The following ITPR1 variants were observed in gnomAD, a reference collection of about 807,000 sequenced individuals.
ITPR1 encodes inositol 1,4,5-trisphosphate-gated calcium channel ITPR1.
A neutral mutation model predicts 318.4 loss-of-function variants in ITPR1; 96 were observed. That is an observed-to-expected ratio of 0.30 (90% CI 0.26 to 0.36). The LOEUF (loss-of-function observed/expected upper bound fraction) is 0.36. ITPR1 is among the 10% of genes least tolerant of loss of function. ITPR1 has a pLI of 1.00. For synonymous variants in ITPR1, 1,312 were observed against 1,289.9 expected (o/e 1.02, Z -0.37); for missense variants, 2,440 against 3,460.2 (o/e 0.71, Z 7.40).
intron 44 of ITPR1, among the ~76,000 whole-genome samples, chr3:4,741,992 G>A (rs1262892022): frequency 6.6e-6 from 1 of 152,146 alleles, no homozygotes. Flanking sequence ...AAGAAAGAGG[G>A]AGGCAGTGAC....
chr3:4,575,691 TAA>T (rs920062312), intron 4 of ITPR1, among the ~76,000 whole-genome samples: 1 of 150,728 alleles, frequency 6.6e-6, no homozygotes, highest in Non-Finnish European at 1.5e-5. Context: ...AAGTAATGGC[TAA>T]AAAAAGTTGA....
intron 46 of ITPR1, among the ~76,000 whole-genome samples, chr3:4,770,377 T>A (rs1559867258): frequency 6.6e-6 from 1 of 152,206 alleles, no homozygotes; most frequent in Admixed American, 6.5e-5. Flanking sequence ...GCAACGTTAA[T>A]ACCTTCTATA....
At chr3:4,638,078 A>T (rs968878736) in intron 5 of ITPR1, among the ~76,000 whole-genome samples, 3 of 152,206 alleles carry the variant, frequency 2.0e-5, no homozygotes, top group Admixed American at 6.5e-5. Flanking sequence ...AGAGGACAAG[A>T]TAATGAAGCC....
intron 60 of ITPR1, among the ~76,000 whole-genome samples, chr3:4,831,861 A>T (rs892434744): frequency 2.0e-5 from 3 of 152,204 alleles, no homozygotes; most frequent in Non-Finnish European, 4.4e-5. Context: ...CTCTGTGCCT[A>T]TTCCAGTAAC....
At chr3:4,567,156 G>A (rs2087385159) in intron 4 of ITPR1, among the ~76,000 whole-genome samples, 1 of 152,210 alleles carries the variant, frequency 6.6e-6, no homozygotes, top group South Asian at 2.1e-4. Context: ...GGTGTGGTCT[G>A]TAATGTGTTC....
At chr3:4,829,816 T>A (rs931350069) in intron 60 of ITPR1, among the ~76,000 whole-genome samples, 1 of 152,078 alleles carries the variant, frequency 6.6e-6, no homozygotes, top group African/African-American at 2.4e-5. Context: ...CAGAATAGTT[T>A]CTGCTCTAAA....
intron 5 of ITPR1, among the ~76,000 whole-genome samples, chr3:4,634,246 C>G (rs1030239862): frequency 6.6e-6 from 1 of 151,814 alleles, no homozygotes; most frequent in African/African-American, 2.4e-5. Context: ...AGTCTCACCA[C>G]TCTATCACCC....
At chr3:4,704,043 G>T (rs2094707607) in intron 36 of ITPR1, among the ~76,000 whole-genome samples, 1 of 152,142 alleles carries the variant, frequency 6.6e-6, no homozygotes. Flanking sequence ...CTTAAAGTGG[G>T]AGCTAAATAT....
chr3:4,786,333 T>A (rs1384973421), intron 51 of ITPR1, among the ~76,000 whole-genome samples: 1 of 152,190 alleles, frequency 6.6e-6, no homozygotes, highest in Non-Finnish European at 1.5e-5. Flanking sequence ...AGAATCAGTA[T>A]GGTAACTAAC....
At chr3:4,572,973 G>C (rs2088186734) in intron 4 of ITPR1, among the ~76,000 whole-genome samples, 1 of 152,096 alleles carries the variant, frequency 6.6e-6, no homozygotes, top group Admixed American at 6.5e-5. Context: ...CACCATGTTT[G>C]GTTTATCCAT....
intron 32 of ITPR1, among the ~76,000 whole-genome samples, chr3:4,692,348 A>G (rs1175186905): frequency 6.6e-6 from 1 of 152,100 alleles, no homozygotes; most frequent in Non-Finnish European, 1.5e-5. Context: ...AATGCCTAAC[A>G]CTTTTTGGAA....
intron 49 of ITPR1, among the ~76,000 whole-genome samples, chr3:4,780,768 A>G (rs7624085): frequency 0.89 from 134,998 of 152,172 alleles, 61,143 homozygotes; most frequent in East Asian, 0.98. Flanking sequence ...GTAACTGGGG[A>G]TCACTGGGGA....
In ITPR1 at chr3:4,669,167, G is replaced by A. The variant is rs373108237; in HGVS notation, c.1887-487G>A. Among the ~76,000 whole-genome samples the A allele has an allele frequency of 4.4e-4, 67 of 152,290 alleles. 1 individual carries two copies. Among genetic ancestry groups the A allele is most frequent in the Admixed American group, 1.6e-3 (25 of 15,306 alleles). On this transcript the variant is annotated intron_variant, in intron 18 of 61. Transcript: ENST00000649015. ...TTCCGTTAATTATCTCATTTAATCC[G>A]CAGGACAGCCCTCAGAAGTGACACA...
chr3:4,622,929 A>G (rs1312872952), intron 4 of ITPR1, among the ~76,000 whole-genome samples: 1 of 152,228 alleles, frequency 6.6e-6, no homozygotes, highest in Non-Finnish European at 1.5e-5. Context: ...CTGCCTTCAG[A>G]GACCTTACAG....
At position 4,735,225 on chromosome 3, in the gene ITPR1, T is replaced by G. The variant is rs2043190283; in HGVS notation, c.5415T>G (p.Cys1805Trp). ...AGATGAGTCTGGCCGAGGTTCAGTG[T>G]CACCTTGACAAGGAGGGGGCTTCCA... is the stretch of plus-strand genomic sequence containing the variant. ...RGEMSLAEVQ[C>W]HLDKEGASNL... Residue 1805 changes from cysteine (C) to tryptophan (W), a missense_variant, in exon 44 of 62, where the codon TGT becomes TGG. By Grantham distance (215) the Cys-to-Trp change is radical. This residue lies in a region of ITPR1 where 80 missense variants were observed against 122.0 expected (regional missense o/e 0.66). Transcript: ENST00000649015. 1 of 1,613,994 alleles carries G rather than the reference T, an allele frequency of 6.2e-7. No individual in the cohort carries two copies. Among genetic ancestry groups the G allele is most frequent in the Non-Finnish European group, 8.5e-7 (1 of 1,179,870 alleles).
At chr3:4,798,466 G>T (rs1476153417) in intron 53 of ITPR1, among the ~76,000 whole-genome samples, 1 of 152,262 alleles carries the variant, frequency 6.6e-6, no homozygotes, top group African/African-American at 2.4e-5. Context: ...TATTGGTGAT[G>T]CTGTGGATCA....
intron 10 of ITPR1, 77 bp downstream of exon 10, chr3:4,645,805 T>C: frequency 1.5e-6 from 2 of 1,353,696 alleles, no homozygotes; most frequent in Non-Finnish European, 2.1e-6. Flanking sequence ...CTCTCTATCC[T>C]ACAAATATTC....
chr3:4,772,718 C>G (rs1437145214), intron 46 of ITPR1, among the ~76,000 whole-genome samples: 3 of 152,210 alleles, frequency 2.0e-5, no homozygotes, highest in Admixed American at 1.3e-4. Flanking sequence ...TTGGACAAGG[C>G]AGGGTGGTAC....
intron 42 of ITPR1, among the ~76,000 whole-genome samples, chr3:4,728,355 T>C (rs1219074655): frequency 6.6e-6 from 1 of 152,238 alleles, no homozygotes; most frequent in Non-Finnish European, 1.5e-5. Context: ...CTCTGGGATG[T>C]TCAACATCTT....
Sources: allele counts gnomAD v4.1 joint callset (sites outside exome capture counted in the v4.1 genomes callset), GRCh38; gene constraint gnomAD v4.1.1; regional missense constraint gnomAD v4.1.1; transcripts MANE v1.5; gene names NCBI Gene and HGNC (gene_info 2026-07-23, HGNC 2026-07-21).